ALKBH5: variants seen among roughly 807,000 people sequenced by gnomAD.
ALKBH5 encodes alkB homolog 5, RNA demethylase.
ALKBH5 carries 2 observed loss-of-function variants against 32.1 expected under a neutral mutation model. The observed-to-expected ratio is 0.06, with a 90% CI of 0.03 to 0.20. The LOEUF (loss-of-function observed/expected upper bound fraction) is 0.20. Among genes scored for constraint, ALKBH5 ranks in the 10% least tolerant of loss-of-function variants. The probability of loss-of-function intolerance (pLI) is 1.00; values close to 1 mark genes in which losing one functional copy is unlikely to be tolerated. For synonymous variants in ALKBH5, 300 were observed against 231.7 expected (o/e 1.29, Z -2.68); for missense variants, 352 against 559.5 (o/e 0.63, Z 3.74).
chr17:18,207,433 C>A (rs916039337), intron 3 of ALKBH5, among the ~76,000 whole-genome samples: 2 of 152,162 alleles, frequency 1.3e-5, no homozygotes, highest in African/African-American at 4.8e-5. Context: ...GAGGCCAAGG[C>A]AGGCAGATCA....
intron 1 of ALKBH5, among the ~76,000 whole-genome samples, chr17:18,192,387 C>T (rs937741899): frequency 1.3e-5 from 2 of 152,096 alleles, no homozygotes; most frequent in African/African-American, 4.8e-5. Context: ...GAGGAGGCCC[C>T]GTTTTTAAAA....
chr17:18,186,876 G>C (rs1026178015), intron 1 of ALKBH5, among the ~76,000 whole-genome samples: 2 of 152,114 alleles, frequency 1.3e-5, no homozygotes. Flanking sequence ...CTCTGAGCTG[G>C]CTTTCCCATC....
chr17:18,200,686 C>G (rs888108881), intron 2 of ALKBH5, among the ~76,000 whole-genome samples: 11 of 152,190 alleles, frequency 7.2e-5, no homozygotes, highest in African/African-American at 2.7e-4. Context: ...TCAAAGAAGG[C>G]TTTCCAGATA....
At chr17:18,203,042 C>T (rs148156478) in intron 2 of ALKBH5, among the ~76,000 whole-genome samples, 68 of 148,020 alleles carry the variant, frequency 4.6e-4, no homozygotes, top group African/African-American at 1.7e-3. Flanking sequence ...CACTGCACTC[C>T]AGCCTGGAGA....
intron 1 of ALKBH5, 39 bp from the exon 2 acceptor site, chr17:18,194,916 T>C: frequency 6.2e-7 from 1 of 1,601,528 alleles, no homozygotes. Context: ...TGGTTGTCTG[T>C]CTACTCTTCA....
rs904780743 is a variant in ALKBH5, at chr17:18,183,941, C to T, written c.-303C>T. Reference sequence around the variant, plus strand: ...GGCGTCCGAGGGTCTGGTCGGGAGTCGGGCCGCGTCTCCGCAGCAGCCCTC... The same window carrying T: ...GGCGTCCGAGGGTCTGGTCGGGAGTTGGGCCGCGTCTCCGCAGCAGCCCTC... On this transcript the variant is annotated 5_prime_UTR_variant, in exon 1 of 4. Coordinates refer to ENST00000399138, the MANE Select transcript of ALKBH5 (RefSeq NM_017758.4). The T allele has an allele frequency of 3.6e-5, 21 of 582,730 alleles. No homozygotes were observed. Among genetic ancestry groups the T allele is most frequent in the African/African-American group, 3.3e-4 (17 of 51,480 alleles). The allele number at this position is 582,730 out of a possible 1,614,324, so 36.1% of individuals were successfully genotyped here. A position where few individuals can be genotyped will look rare whatever the true frequency, so the allele number is the denominator to read the frequency against.
At chr17:18,202,019 A>G (rs143961515) in intron 2 of ALKBH5, among the ~76,000 whole-genome samples, 152 of 151,606 alleles carry the variant, frequency 1.0e-3, no homozygotes, top group African/African-American at 3.5e-3. Context: ...AAAGAAAGTA[A>G]TTAATTGGCC....
At chr17:18,199,771 TAA>T (rs1031953084) in intron 2 of ALKBH5, among the ~76,000 whole-genome samples, 1 of 151,994 alleles carries the variant, frequency 6.6e-6, no homozygotes, top group Admixed American at 6.6e-5. Flanking sequence ...AACACTGGTG[TAA>T]AAGCACAGGG....
intron 3 of ALKBH5, 68 bp downstream of exon 3, chr17:18,207,038 G>C (rs2047273227): frequency 1.2e-5 from 19 of 1,572,092 alleles, no homozygotes; most frequent in Non-Finnish European, 1.6e-5. Flanking sequence ...GGGTGGAGAA[G>C]CCTGGGGTAG....
rs1341259932 is a variant in ALKBH5 at position 18,184,171 on chromosome 17, G to A, written c.-73G>A. 7.5e-7 allele frequency: 1 copy of A among 1,337,338 alleles called. No homozygotes were observed. The highest frequency in any genetic ancestry group is 1.0e-6 in the Non-Finnish European group (1 of 1,003,544). The allele number at this position is 1,337,338 out of a possible 1,614,324, so 82.8% of individuals were successfully genotyped here. ...ACCCCCCTCCCTCCGGGGGCCCCGG[G>A]GCGCGTCCCCTTAGAGCCATGCCCG... On this transcript the variant is annotated 5_prime_UTR_variant, in exon 1 of 4. Transcript: ENST00000399138.
rs571970012 is a variant in ALKBH5 at position 18,183,868 on chromosome 17, G to A, written c.-376G>A. 186 of 360,878 alleles carry A rather than the reference G, an allele frequency of 5.2e-4. No individual in the cohort carries two copies. Among genetic ancestry groups the A allele is most frequent in the African/African-American group, 3.6e-3 (162 of 44,702 alleles). 22.4% of individuals were successfully genotyped at this position (360,878 alleles called of 1,614,324 possible). ...GAGCGGCGCTGGCGGACGTCGGGCT[G>A]GCTGCCCGTGACGTCGTGCGGAGAG... On this transcript the variant is annotated 5_prime_UTR_variant, in exon 1 of 4. Transcript: ENST00000399138.
intron 2 of ALKBH5, among the ~76,000 whole-genome samples, chr17:18,197,045 A>G (rs899723980): frequency 2.0e-5 from 3 of 152,188 alleles, no homozygotes; most frequent in Non-Finnish European, 2.9e-5. Flanking sequence ...CCATAACTCC[A>G]GAATATTGTA....
intron 3 of ALKBH5, 60 bp from the exon 4 acceptor site, chr17:18,208,159 G>T (rs1216826130): frequency 6.5e-7 from 1 of 1,540,262 alleles, no homozygotes; most frequent in Non-Finnish European, 8.8e-7. Context: ...AGGTACAGCG[G>T]TAAAGCCAGG....
At position 18,208,432 on chromosome 17, in the gene ALKBH5, C is replaced by T; in HGVS notation, c.*36C>T. On this transcript the variant is annotated 3_prime_UTR_variant, in exon 4 of 4. Coordinates refer to ENST00000399138, the MANE Select transcript of ALKBH5 (RefSeq NM_017758.4). Reference sequence around the variant, plus strand: ...CGCCCTCCTGGGAACTCTGGCTCATCCTTACGTAGTTGCCCCTCCTTTTGT... The same window carrying T: ...CGCCCTCCTGGGAACTCTGGCTCATTCTTACGTAGTTGCCCCTCCTTTTGT... The T allele has an allele frequency of 6.2e-7, 1 of 1,604,962 alleles. No homozygotes were observed. Among genetic ancestry groups the T allele is most frequent in the Non-Finnish European group, 8.5e-7 (1 of 1,177,014 alleles).
At chr17:18,186,164 CAAG>C (rs1249432391) in intron 1 of ALKBH5, among the ~76,000 whole-genome samples, 2 of 152,174 alleles carry the variant, frequency 1.3e-5, no homozygotes, top group Non-Finnish European at 2.9e-5. Context: ...TTGTAATGTC[CAAG>C]ACGTCCTGGT....
intron 1 of ALKBH5, among the ~76,000 whole-genome samples, chr17:18,192,924 A>G (rs944536048): frequency 3.0e-5 from 4 of 133,204 alleles, no homozygotes; most frequent in African/African-American, 6.0e-5. Flanking sequence ...CAGTGGCACT[A>G]TCTCGGCTCA....
At chr17:18,205,054 TA>T (rs35565329) in intron 2 of ALKBH5, among the ~76,000 whole-genome samples, 5 of 149,528 alleles carry the variant, frequency 3.3e-5, no homozygotes, top group Admixed American at 6.7e-5. Context: ...GATCTCTCTT[TA>T]AAAAAAAAAG....
intron 3 of ALKBH5, among the ~76,000 whole-genome samples, chr17:18,207,978 G>A (rs1345451378): frequency 3.3e-5 from 5 of 152,110 alleles, no homozygotes; most frequent in African/African-American, 9.7e-5. Flanking sequence ...AGTGTCCCAG[G>A]GCACCAGACT....
At chr17:18,195,793 A>G (rs545435595) in intron 2 of ALKBH5, among the ~76,000 whole-genome samples, 2 of 152,324 alleles carry the variant, frequency 1.3e-5, no homozygotes, top group African/African-American at 4.8e-5. Context: ...AAGTGCCACC[A>G]TACCTGGTTC....
Sources: allele counts gnomAD v4.1 joint callset (sites outside exome capture counted in the v4.1 genomes callset), GRCh38; gene constraint gnomAD v4.1.1; transcripts MANE v1.5; gene names NCBI Gene and HGNC (gene_info 2026-07-23, HGNC 2026-07-21).